The following NTN5 variants were observed in gnomAD, a reference collection of about 807,000 sequenced individuals.
NTN5 encodes netrin-5.
NTN5 carries 42 observed loss-of-function variants against 38.7 expected under a neutral mutation model. The ratio of observed to expected loss-of-function variants is 1.08; its 90% confidence interval spans 0.85 to 1.40. The LOEUF is 1.40. Ranked by LOEUF, NTN5 falls within the 40% of genes most tolerant of loss-of-function variation. The probability of loss-of-function intolerance (pLI) is 0.00; values close to 1 mark genes in which losing one functional copy is unlikely to be tolerated. For missense variants in NTN5, 658 were observed against 716.5 expected, an observed-to-expected ratio of 0.92 and a Z score of 0.93; for synonymous variants, 329 against 303.9, an observed-to-expected ratio of 1.08 and a Z score of -0.86.
chr19:48,664,046 C>A lies in NTN5; in HGVS notation c.970+97G>T, dbSNP rs2031621091. On this transcript the variant is annotated intron_variant, in intron 4 of 6. Coordinates refer to ENST00000270235, the MANE Select transcript of NTN5 (RefSeq NM_145807.4). The stretch of plus-strand genomic sequence containing the variant: ...AGCCTCCAGCCTTGGGCTCCCAATT[C>A]CCAAGGCCCCAGCCCTCACTGCAGC... The A allele has an allele frequency of 7.7e-6, 11 of 1,431,572 alleles. No individual in the cohort carries two copies. In the South Asian group the frequency reaches 1.4e-4, roughly 18 times the overall value. 88.7% of individuals were successfully genotyped at this position (1,431,572 alleles called of 1,614,324 possible). A position where few individuals can be genotyped will look rare whatever the true frequency, so the allele number is the denominator to read the frequency against.
chr19:48,666,582 A>C (rs1049069623), intron 2 of NTN5, among the ~76,000 whole-genome samples: 1 of 151,812 alleles, frequency 6.6e-6, no homozygotes, highest in African/African-American at 2.4e-5. Flanking sequence ...CCAGATTGCA[A>C]GGCTCCTCCC....
chr19:48,669,348 CCACCAT>C (rs1348073403), intron 2 of NTN5, among the ~76,000 whole-genome samples: 3 of 47,864 alleles, frequency 6.3e-5, no homozygotes, highest in Non-Finnish European at 8.8e-5. Flanking sequence ...ATCACCACCA[CCACCAT>C]CACCACCACC....
intron 6 of NTN5, 57 bp from the exon 7 acceptor site, chr19:48,662,098 G>A (rs575965831): frequency 3.0e-6 from 4 of 1,355,016 alleles, no homozygotes; most frequent in Non-Finnish European, 3.8e-6. Flanking sequence ...GTACCTCTGG[G>A]TCCCGTGGGG....
At chr19:48,662,813 G>C (rs1460445920) in intron 6 of NTN5, 3 of 162,890 alleles carry the variant, frequency 1.8e-5, no homozygotes, top group Non-Finnish European at 2.7e-5. Context: ...CTGGGTCTGC[G>C]GGGCAGGAGA....
chr19:48,664,632 G>C lies in NTN5; in HGVS notation c.767C>G (p.Pro256Arg). 4 of 1,613,718 alleles carry C rather than the reference G, an allele frequency of 2.5e-6. No homozygotes were observed. The highest frequency in any genetic ancestry group is 3.4e-6 in the Non-Finnish European group (4 of 1,179,940). ...CTGGCTAGGGTCCCTCCAGAACCCA[G>C]GTTGGCAGTAGTGGCAGTGCCGCCC... Reference protein sequence around the residue: ...TAGRHCHYCQPGFWRDPSQPI... With the variant: ...TAGRHCHYCQRGFWRDPSQPI... Residue 256 changes from proline (P) to arginine (R), a missense_variant, in exon 3 of 7, where the codon CCT becomes CGT. By Grantham distance (103) the Pro-to-Arg change is moderately radical (BLOSUM62 -2). Transcript: ENST00000270235.
At chr19:48,663,380 G>C (rs1209841499) in intron 6 of NTN5, 83 bp downstream of exon 6, 1 of 1,184,844 alleles carries the variant, frequency 8.4e-7, no homozygotes, top group Non-Finnish European at 1.3e-6. Flanking sequence ...ATGAGAAAGT[G>C]GAAGGCCAGA....
chr19:48,665,883 G>A (rs2031692229), intron 2 of NTN5, among the ~76,000 whole-genome samples: 1 of 152,086 alleles, frequency 6.6e-6, no homozygotes, highest in South Asian at 2.1e-4. Flanking sequence ...AGCCTTGTCG[G>A]TCTCTCTGAC....
chr19:48,670,483 G>T lies in NTN5; in HGVS notation c.504C>A (p.Ala168=). ...QCHGHAARCA[A]RARPPRCHCR... ...AGTGGCAGCGGGGGGGCCGGGCACG[G>T]GCGGCACAGCGGGCAGCGTGGCCAT... Residue 168 remains alanine, a synonymous_variant, in exon 2 of 7, where the codon GCC becomes GCA. Coordinates refer to ENST00000270235, the MANE Select transcript of NTN5 (RefSeq NM_145807.4). The T allele has an allele frequency of 6.8e-7, 1 of 1,477,722 alleles. No homozygotes were observed. The highest frequency in any genetic ancestry group is 1.4e-5 in the African/African-American group (1 of 70,970). The allele number at this position is 1,477,722 out of a possible 1,614,324, so 91.5% of individuals were successfully genotyped here. A position where few individuals can be genotyped will look rare whatever the true frequency, so the allele number is the denominator to read the frequency against.
rs1367683251 is a variant in NTN5, at chr19:48,663,480, T to C, written c.1088A>G (p.Tyr363Cys). The C allele has an allele frequency of 6.2e-7, 1 of 1,614,086 alleles. No individual in the cohort carries two copies. Among genetic ancestry groups the C allele is most frequent in the Admixed American group, 1.7e-5 (1 of 60,016 alleles). The change falls in exon 6 of 7, where the codon TAC becomes TGC. Residue 363 changes from tyrosine (Y) to cysteine (C), a missense_variant. Physicochemically the swap from Tyr to Cys is radical, Grantham distance 194. Coordinates refer to ENST00000270235, the MANE Select transcript of NTN5 (RefSeq NM_145807.4). ...GCACTCACCATGGTCCTGCTGGCAG[T>C]ACCTCCGAAGGCTCATGTGTACCCT... is the stretch of plus-strand genomic sequence containing the variant. The part of the protein sequence containing the change: ...DTRVHMSLRR[Y>C]CQQDHVLRAQ...
At position 48,670,675 on chromosome 19, in the gene NTN5, C is replaced by A; in HGVS notation, c.312G>T (p.Leu104=). ...AAWASGGPWR[L]LWHRPAWPGA... ...CAGGCCAGGCGGGCCTGTGCCACAG[C>A]AGCCTCCAGGGACCCCCTGAGGCCC... Residue 104 remains leucine, a synonymous_variant, in exon 2 of 7, where the codon CTG becomes CTT. Coordinates refer to ENST00000270235, the MANE Select transcript of NTN5 (RefSeq NM_145807.4). 1 of 1,608,514 alleles carries A rather than the reference C, an allele frequency of 6.2e-7. No individual in the cohort carries two copies. Among genetic ancestry groups the A allele is most frequent in the South Asian group, 1.1e-5 (1 of 90,472 alleles).
chr19:48,672,298 C>T (rs2122150787), intron 1 of NTN5, among the ~76,000 whole-genome samples: 1 of 152,316 alleles, frequency 6.6e-6, no homozygotes. Flanking sequence ...CCCCCACTTT[C>T]CCCTTCCAGG....
intron 1 of NTN5, among the ~76,000 whole-genome samples, chr19:48,671,469 GCA>G (rs2031960364): frequency 6.6e-6 from 1 of 152,034 alleles, no homozygotes; most frequent in Non-Finnish European, 1.5e-5. Flanking sequence ...GAGGCGCTCG[GCA>G]CAGAGAAGTT....
intron 1 of NTN5, among the ~76,000 whole-genome samples, chr19:48,672,058 C>A (rs1218082807): frequency 3.3e-5 from 5 of 152,158 alleles, no homozygotes; most frequent in African/African-American, 1.2e-4. Flanking sequence ...ACCCTGCCCT[C>A]TATTCTGGGC....
intron 6 of NTN5, chr19:48,663,077 TG>T (rs2031591122): frequency 2.6e-6 from 1 of 389,964 alleles, no homozygotes; most frequent in Non-Finnish European, 5.1e-6. Context: ...TTATGGGAAG[TG>T]GGGCTAAGGC....
At chr19:48,672,014 G>A (rs1428551879) in intron 1 of NTN5, among the ~76,000 whole-genome samples, 5 of 152,144 alleles carry the variant, frequency 3.3e-5, no homozygotes, top group Admixed American at 6.5e-5. Context: ...GTGGGGACCG[G>A]AAGTTAGCGT....
At chr19:48,671,287 G>A (rs1037204956) in intron 1 of NTN5, among the ~76,000 whole-genome samples, 2 of 152,000 alleles carry the variant, frequency 1.3e-5, no homozygotes, top group African/African-American at 2.4e-5. Context: ...CCTGGGGAGC[G>A]GTGAGCGGCT....
Position 48,661,910 on chromosome 19 carries a change from G to A in NTN5, c.1237C>T (p.Arg413Cys), listed in dbSNP as rs1601202544. ...RRGDQDAWVP[R>C]ADLTCGCLRL... The stretch of plus-strand genomic sequence containing the variant: ...AGGCAGCCGCAGGTCAGGTCGGCGC[G>A]GGGCACCCAGGCGTCCTGGTCGCCG... Residue 413 changes from arginine (R) to cysteine (C), a missense_variant, in exon 7 of 7, where the codon CGC becomes TGC. Coordinates refer to ENST00000270235, the MANE Select transcript of NTN5 (RefSeq NM_145807.4). The A allele has an allele frequency of 7.4e-7, 1 of 1,359,178 alleles. No homozygotes were observed. Among genetic ancestry groups the A allele is most frequent in the Non-Finnish European group, 9.4e-7 (1 of 1,059,274 alleles). 84.2% of individuals were successfully genotyped at this position (1,359,178 alleles called of 1,614,324 possible). A position where few individuals can be genotyped will look rare whatever the true frequency, so the allele number is the denominator to read the frequency against.
At chr19:48,666,264 G>C (rs1190613398) in intron 2 of NTN5, among the ~76,000 whole-genome samples, 2 of 152,202 alleles carry the variant, frequency 1.3e-5, no homozygotes, top group Non-Finnish European at 2.9e-5. Flanking sequence ...CTCCCGTGAG[G>C]ATTATTTAGC....
At position 48,668,335 on chromosome 19, in the gene NTN5, A is replaced by G. The variant is rs548960721; in HGVS notation, c.631+2021T>C. On this transcript the variant is annotated intron_variant, in intron 2 of 6. Transcript: ENST00000270235. ...GCCGTTCCTTTGTGCCAGGTACCAC[A>G]TTGGGCTTTATTTAAAGGCTTTATG... is the stretch of plus-strand genomic sequence containing the variant. Among the ~76,000 whole-genome samples the G allele has an allele frequency of 5.3e-4, 80 of 152,230 alleles. No homozygotes were observed. The South Asian group carries it at 5.4e-3, about 10-fold the overall frequency.
Sources: allele counts gnomAD v4.1 joint callset (sites outside exome capture counted in the v4.1 genomes callset), GRCh38; gene constraint gnomAD v4.1.1; transcripts MANE v1.5; gene names NCBI Gene and HGNC (gene_info 2026-07-23, HGNC 2026-07-21).